Variants in ME1 observed in about 807,000 individuals in gnomAD.
ME1 encodes malic enzyme 1.
In ME1, 74 loss-of-function variants were observed where a neutral mutation model predicts 66.4. That is an observed-to-expected ratio of 1.11 (90% CI 0.92 to 1.35). The LOEUF (loss-of-function observed/expected upper bound fraction) is 1.35, where lower values mean the gene tolerates loss of function less well. Among genes scored for constraint, ME1 ranks in the 40% most tolerant of loss-of-function variants. ME1 has a pLI of 0.00. For missense variants in ME1, 750 were observed against 694.1 expected, an observed-to-expected ratio of 1.08 and a Z score of -0.90; for synonymous variants, 251 against 235.6, an observed-to-expected ratio of 1.07 and a Z score of -0.60.
intron 6 of ME1, among the ~76,000 whole-genome samples, chr6:83,300,572 TCAA>T (rs1036754158): frequency 1.5e-4 from 22 of 145,556 alleles, no homozygotes; most frequent in Non-Finnish European, 2.4e-4. Context: ...GCAAAGGACA[TCAA>T]CAAATATTTT....
intron 6 of ME1, among the ~76,000 whole-genome samples, chr6:83,307,431 T>A (rs1465502216): frequency 6.6e-6 from 1 of 152,120 alleles, no homozygotes; most frequent in African/African-American, 2.4e-5. Context: ...CATTTTATTT[T>A]TTTCACCTGG....
chr6:83,376,065 G>C (rs925750730), intron 3 of ME1, among the ~76,000 whole-genome samples: 1 of 152,042 alleles, frequency 6.6e-6, no homozygotes, highest in African/African-American at 2.4e-5. Flanking sequence ...ATTAACAAAT[G>C]AGAAACAATT....
chr6:83,280,905 T>C (rs1451324076), intron 6 of ME1, among the ~76,000 whole-genome samples: 1 of 152,236 alleles, frequency 6.6e-6, no homozygotes, highest in Non-Finnish European at 1.5e-5. Flanking sequence ...AGAAATAAAT[T>C]AATTGACATT....
intron 5 of ME1, among the ~76,000 whole-genome samples, chr6:83,334,025 G>A (rs539699709): frequency 1.4e-3 from 216 of 152,022 alleles, no homozygotes; most frequent in African/African-American, 4.7e-3. Context: ...CGCAGAAGAC[G>A]GGTGATTTCT....
At chr6:83,407,994 T>A in intron 1 of ME1, 93 bp from the exon 2 acceptor site, 3 of 1,399,544 alleles carry the variant, frequency 2.1e-6, no homozygotes, top group Non-Finnish European at 2.8e-6. Context: ...TATATGCAAT[T>A]AAAAATCCGA....
intron 5 of ME1, among the ~76,000 whole-genome samples, chr6:83,339,999 G>T (rs1267080146): frequency 7.3e-5 from 11 of 149,884 alleles, no homozygotes; most frequent in Non-Finnish European, 1.6e-4. Flanking sequence ...AAAGAAATGT[G>T]AAATACTATA....
intron 8 of ME1, among the ~76,000 whole-genome samples, chr6:83,239,248 T>C (rs1173765626): frequency 6.6e-6 from 1 of 152,040 alleles, no homozygotes; most frequent in African/African-American, 2.4e-5. Context: ...TATATACACA[T>C]ACATTGGAAA....
intron 5 of ME1, among the ~76,000 whole-genome samples, chr6:83,334,217 A>G (rs1054415025): frequency 1.3e-5 from 2 of 149,284 alleles, no homozygotes; most frequent in Non-Finnish European, 3.0e-5. Context: ...ACGCACCTGG[A>G]AAATCGGGTC....
Position 83,346,220 on chromosome 6 carries a change from G to C in ME1, c.553C>G (p.Pro185Ala). The change falls in exon 5 of 14, where the codon CCT becomes GCT. Residue 185 changes from proline (P) to alanine (A), a missense_variant. By Grantham distance (27) the Pro-to-Ala change is conservative. Transcript: ENST00000369705. ...AGAATGACAGGCAGACATTCTTGAG[G>C]ATTCATCCCTCCGCAAGCTGTATAT... The part of the protein sequence containing the change: ...ALYTACGGMN[P>A]QECLPVILDV... The C allele has an allele frequency of 1.2e-6, 2 of 1,611,500 alleles. No individual in the cohort carries two copies. The highest frequency in any genetic ancestry group is 2.2e-5 in the South Asian group (2 of 90,686).
At chr6:83,380,550 A>G (rs1368292329) in intron 3 of ME1, among the ~76,000 whole-genome samples, 4 of 152,124 alleles carry the variant, frequency 2.6e-5, no homozygotes, top group African/African-American at 9.7e-5. Flanking sequence ...ATAGATAATT[A>G]AGGGATACAA....
intron 9 of ME1, among the ~76,000 whole-genome samples, chr6:83,229,815 T>C (rs973169666): frequency 4.6e-5 from 7 of 152,164 alleles, no homozygotes; most frequent in African/African-American, 1.4e-4. Flanking sequence ...AAGGGTATTA[T>C]CATTTTATTT....
At chr6:83,312,891 T>C (rs1450699574) in intron 6 of ME1, among the ~76,000 whole-genome samples, 1 of 152,174 alleles carries the variant, frequency 6.6e-6, no homozygotes, top group Non-Finnish European at 1.5e-5. Context: ...GTAGCTGGGA[T>C]TACAGGCATA....
At chr6:83,381,455 G>A (rs1408076818) in intron 3 of ME1, among the ~76,000 whole-genome samples, 2 of 151,726 alleles carry the variant, frequency 1.3e-5, no homozygotes, top group Admixed American at 6.6e-5. Flanking sequence ...GAGTGCAGTG[G>A]TGCAATCTCA....
intron 3 of ME1, among the ~76,000 whole-genome samples, chr6:83,378,979 T>TG (rs1769344294): frequency 6.6e-6 from 1 of 152,154 alleles, no homozygotes; most frequent in Non-Finnish European, 1.5e-5. Flanking sequence ...ATATATTCTT[T>TG]GGCATTGCTC....
At chr6:83,372,637 C>G (rs1470957521) in intron 3 of ME1, among the ~76,000 whole-genome samples, 1 of 152,210 alleles carries the variant, frequency 6.6e-6, no homozygotes, top group Admixed American at 6.5e-5. Context: ...GGTGAGGTAA[C>G]TTACACGACC....
chr6:83,217,467 T>C (rs1562449193), intron 12 of ME1, among the ~76,000 whole-genome samples: 1 of 152,206 alleles, frequency 6.6e-6, no homozygotes, highest in Admixed American at 6.5e-5. Context: ...AGCAAACATA[T>C]ATGCACTGAA....
At chr6:83,254,822 T>C (rs1448718798) in intron 6 of ME1, among the ~76,000 whole-genome samples, 2 of 152,154 alleles carry the variant, frequency 1.3e-5, no homozygotes, top group Non-Finnish European at 2.9e-5. Flanking sequence ...CTACCTGATT[T>C]TAAGACCACC....
At chr6:83,334,435 C>CG (rs1168604554) in intron 5 of ME1, among the ~76,000 whole-genome samples, 1 of 35,922 alleles carries the variant, frequency 2.8e-5, no homozygotes, top group East Asian at 5.6e-4. Flanking sequence ...ACAAAGCAGC[C>CG]GGGAAGCTCG....
chr6:83,212,163 G>A (rs1489882173), intron 13 of ME1, 69 bp from the exon 14 acceptor site: 3 of 1,129,292 alleles, frequency 2.7e-6, no homozygotes, highest in African/African-American at 1.6e-5. Flanking sequence ...GTGAGTGGAA[G>A]TTTTTATCCA....
Sources: allele counts gnomAD v4.1 joint callset (sites outside exome capture counted in the v4.1 genomes callset), GRCh38; gene constraint gnomAD v4.1.1; transcripts MANE v1.5; gene names NCBI Gene and HGNC (gene_info 2026-07-23, HGNC 2026-07-21).